Variants in EYA3 observed in about 807,000 individuals in gnomAD.
The protein encoded by EYA3 is protein phosphatase EYA3.
A neutral mutation model predicts 80.0 loss-of-function variants in EYA3; 39 were observed. The observed-to-expected ratio is 0.49, with a 90% CI of 0.38 to 0.64. EYA3 has a LOEUF of 0.64. Among genes scored for constraint, EYA3 ranks in the 30% least tolerant of loss-of-function variants. The pLI is 0.00. For missense variants in EYA3, 523 were observed against 676.1 expected (o/e 0.77, Z 2.51); for synonymous variants, 206 against 232.8 (o/e 0.88, Z 1.05).
At chr1:28,085,694 T>C (rs981285903) in intron 1 of EYA3, among the ~76,000 whole-genome samples, 3 of 152,256 alleles carry the variant, frequency 2.0e-5, no homozygotes, top group African/African-American at 7.2e-5. Flanking sequence ...TAGAAATTTT[T>C]GTAGAAAATC....
At position 28,006,934 on chromosome 1, in the gene EYA3, C is replaced by CTTTTT. The variant is rs58401673; in HGVS notation, c.910-2520_910-2516dup. ...ATTATCTGTTTGCAGATGACATAAT[C>CTTTTT]TTTTTTTTTTTTTTTTTTTTTTTTG... On this transcript the variant is annotated intron_variant, in intron 10 of 17. Transcript: ENST00000373871. 4.3e-3 allele frequency among the ~76,000 whole-genome samples: 394 copies of CTTTTT among 92,000 alleles called. 9 individuals are homozygous for CTTTTT. Among genetic ancestry groups the CTTTTT allele is most frequent in the Non-Finnish European group, 6.4e-3 (321 of 50,004 alleles). 60.4% of individuals were successfully genotyped at this position (92,000 alleles called of 152,430 possible). A position where few individuals can be genotyped will look rare whatever the true frequency, so the allele number is the denominator to read the frequency against.
At chr1:28,068,604 T>G (rs1338485004) in intron 1 of EYA3, among the ~76,000 whole-genome samples, 1 of 152,106 alleles carries the variant, frequency 6.6e-6, no homozygotes, top group Non-Finnish European at 1.5e-5. Flanking sequence ...AAAGAGCTAC[T>G]TCTGAATCTG....
At chr1:27,984,924 G>C (rs1379731517) in intron 16 of EYA3, among the ~76,000 whole-genome samples, 1 of 151,918 alleles carries the variant, frequency 6.6e-6, no homozygotes, top group African/African-American at 2.4e-5. Flanking sequence ...TATTAGAACA[G>C]GCCTAATAAA....
At chr1:28,043,330 GAA>G (rs59720447) in intron 3 of EYA3, among the ~76,000 whole-genome samples, 4,940 of 125,126 alleles carry the variant, frequency 0.039, 128 homozygotes, top group Middle Eastern at 0.083. Context: ...GCTTTTTTGT[GAA>G]AAAAAAAAAA....
chr1:28,027,725 G>A (rs1350519016), intron 7 of EYA3, 64 bp downstream of exon 7: 41 of 1,597,054 alleles, frequency 2.6e-5, no homozygotes, highest in Non-Finnish European at 3.5e-5. Flanking sequence ...GGAGATACAG[G>A]TAGATTAAAA....
At chr1:27,997,209 T>C in intron 13 of EYA3, 111 bp downstream of exon 13, 1 of 919,178 alleles carries the variant, frequency 1.1e-6, no homozygotes, top group Non-Finnish European at 1.7e-6. Context: ...TAACAGGTTG[T>C]GAGCTCTTTC....
chr1:28,018,969 C>T (rs930599281), intron 7 of EYA3, among the ~76,000 whole-genome samples: 3 of 152,084 alleles, frequency 2.0e-5, no homozygotes, highest in Non-Finnish European at 4.4e-5. Flanking sequence ...AGTTTGAGAC[C>T]AGCCTAGCCA....
intron 3 of EYA3, among the ~76,000 whole-genome samples, chr1:28,044,836 G>A (rs1486802768): frequency 6.6e-6 from 1 of 151,936 alleles, no homozygotes; most frequent in South Asian, 2.1e-4. Context: ...GCAGTGGCTC[G>A]ATCATGGCTC....
At position 27,988,780 on chromosome 1, in the gene EYA3, C is replaced by A; in HGVS notation, c.1419-124G>T. ...TAACTTTAAAGGACCTGGTATTATA[C>A]TGTTCAGAGCCAATGTTCAGCTACT... On this transcript the variant is annotated intron_variant, in intron 15 of 17. Coordinates refer to ENST00000373871, the MANE Select transcript of EYA3 (RefSeq NM_001990.4). 4.9e-6 allele frequency: 5 copies of A among 1,011,912 alleles called. No homozygotes were observed. In the South Asian group the frequency reaches 8.2e-5, roughly 17 times the overall value. The allele number at this position is 1,011,912 out of a possible 1,614,324, so 62.7% of individuals were successfully genotyped here.
intron 1 of EYA3, among the ~76,000 whole-genome samples, chr1:28,063,352 CTTTT>C (rs371840536): frequency 4.3e-5 from 4 of 93,546 alleles, no homozygotes; most frequent in Non-Finnish European, 6.1e-5. Flanking sequence ...TAACTAAAAC[CTTTT>C]TTTTTTTTTT....
At chr1:28,085,882 T>A (rs1645634326) in intron 1 of EYA3, among the ~76,000 whole-genome samples, 1 of 152,206 alleles carries the variant, frequency 6.6e-6, no homozygotes, top group Non-Finnish European at 1.5e-5. Flanking sequence ...TTTCATTTAA[T>A]GGCTTCAATG....
chr1:28,026,277 G>A (rs1642779174), intron 7 of EYA3, among the ~76,000 whole-genome samples: 1 of 152,110 alleles, frequency 6.6e-6, no homozygotes, highest in Admixed American at 6.5e-5. Context: ...AAGAGACTTG[G>A]CAACTAGACT....
intron 1 of EYA3, among the ~76,000 whole-genome samples, chr1:28,058,489 A>G (rs563858247): frequency 6.6e-6 from 1 of 152,346 alleles, no homozygotes; most frequent in East Asian, 1.9e-4. Context: ...TTAATGTGGA[A>G]CATTTACATA....
At position 28,013,515 on chromosome 1, in the gene EYA3, T is replaced by C. The variant is rs1641833614; in HGVS notation, c.586-221A>G. Among the ~76,000 whole-genome samples, 1 of 152,190 alleles carries C rather than the reference T, an allele frequency of 6.6e-6. No homozygotes were observed. Among genetic ancestry groups the C allele is most frequent in the Non-Finnish European group, 1.5e-5 (1 of 68,032 alleles). On this transcript the variant is annotated intron_variant, in intron 8 of 17. Transcript: ENST00000373871. The surrounding 1 kb of genome is among the most constrained non-coding windows in gnomAD (Gnocchi z 4.0). ...AGATGTCCCAGGAGCAGTCTTGGAA[T>C]GAGGAAATGCTGAGAGGGAAGGGTC...
chr1:28,041,729 C>G (rs1292959049), intron 4 of EYA3, among the ~76,000 whole-genome samples: 2 of 152,090 alleles, frequency 1.3e-5, no homozygotes, highest in South Asian at 2.1e-4. Context: ...AGGCTGATCT[C>G]AAACTCCTGG....
intron 1 of EYA3, among the ~76,000 whole-genome samples, chr1:28,060,992 G>C (rs1487857246): frequency 1.3e-5 from 2 of 152,140 alleles, no homozygotes; most frequent in East Asian, 3.9e-4. Flanking sequence ...CCAGCTTGGT[G>C]ACAGAGTGAG....
chr1:28,044,068 A>G (rs1643913555), intron 3 of EYA3, among the ~76,000 whole-genome samples: 1 of 152,216 alleles, frequency 6.6e-6, no homozygotes, highest in Non-Finnish European at 1.5e-5. Flanking sequence ...ATAAACTGGG[A>G]GGACAAGTCA....
intron 1 of EYA3, among the ~76,000 whole-genome samples, chr1:28,084,056 C>T (rs1645526151): frequency 6.6e-6 from 1 of 152,124 alleles, no homozygotes; most frequent in South Asian, 2.1e-4. Flanking sequence ...AAGATCTTCA[C>T]GATATTAAGC....
At chr1:28,076,008 C>T (rs978649072) in intron 1 of EYA3, among the ~76,000 whole-genome samples, 10 of 152,366 alleles carry the variant, frequency 6.6e-5, no homozygotes, top group African/African-American at 2.2e-4. Context: ...CTACACTCAG[C>T]TAACCTCTCT....
Sources: gnomAD v4.1 joint callset for allele counts (sites outside exome capture counted in the v4.1 genomes callset) on GRCh38, gnomAD v4.1.1 for gene constraint, Gnocchi (gnomAD v3.1) non-coding constraint, MANE v1.5 for transcripts, NCBI Gene and HGNC (gene_info 2026-07-23, HGNC 2026-07-21) for gene names.